The following PTPRM variants were observed in gnomAD, a reference collection of about 807,000 sequenced individuals.
The protein encoded by PTPRM is receptor-type tyrosine-protein phosphatase mu.
In PTPRM, 47 loss-of-function variants were observed where a neutral mutation model predicts 186.7. The observed-to-expected ratio is 0.25, with a 90% CI of 0.20 to 0.32. PTPRM has a LOEUF of 0.32. PTPRM is among the 10% of genes least tolerant of loss of function. PTPRM has a pLI of 1.00. For synonymous variants in PTPRM, 668 were observed against 674.9 expected, an observed-to-expected ratio of 0.99 and a Z score of 0.16; for missense variants, 1,494 against 1,865.0, an observed-to-expected ratio of 0.80 and a Z score of 3.66.
chr18:8,280,321 C>T (rs1872166110), intron 19 of PTPRM, among the ~76,000 whole-genome samples: 1 of 149,306 alleles, frequency 6.7e-6, no homozygotes, highest in Admixed American at 6.9e-5. Context: ...TTAAGTACTT[C>T]TTTGAAGGCC....
chr18:8,168,978 C>T (rs1174679378), intron 14 of PTPRM, among the ~76,000 whole-genome samples: 1 of 152,142 alleles, frequency 6.6e-6, no homozygotes. Flanking sequence ...TAAGTTCTGC[C>T]TAGACTCAAT....
At chr18:7,994,415 G>A (rs2083428051) in intron 7 of PTPRM, among the ~76,000 whole-genome samples, 1 of 152,006 alleles carries the variant, frequency 6.6e-6, no homozygotes, top group Admixed American at 6.6e-5. Flanking sequence ...GCATTAGATA[G>A]ATAACCTAGA....
chr18:8,201,666 C>G (rs866780840), intron 14 of PTPRM, among the ~76,000 whole-genome samples: 29 of 152,150 alleles, frequency 1.9e-4, no homozygotes, highest in African/African-American at 6.8e-4. Flanking sequence ...GGATGACCAC[C>G]TTCTTGCTGT....
chr18:8,306,372 C>T (rs2095221981), intron 20 of PTPRM, among the ~76,000 whole-genome samples: 1 of 152,156 alleles, frequency 6.6e-6, no homozygotes, highest in South Asian at 2.1e-4. Flanking sequence ...AGTTGTAGAG[C>T]CAGCATCAAA....
intron 30 of PTPRM, among the ~76,000 whole-genome samples, chr18:8,386,075 G>A (rs1430237525): frequency 6.6e-6 from 1 of 152,080 alleles, no homozygotes; most frequent in African/African-American, 2.4e-5. Flanking sequence ...CCGTGTAACC[G>A]GATTGTTTGT....
At chr18:8,126,931 G>T (rs947099643) in intron 13 of PTPRM, among the ~76,000 whole-genome samples, 10 of 152,108 alleles carry the variant, frequency 6.6e-5, no homozygotes, top group Admixed American at 6.6e-4. Flanking sequence ...GAGCAGTAAG[G>T]TGATACAGGC....
At chr18:8,124,227 C>T (rs2092268615) in intron 13 of PTPRM, among the ~76,000 whole-genome samples, 1 of 152,142 alleles carries the variant, frequency 6.6e-6, no homozygotes, top group South Asian at 2.1e-4. Context: ...CCTCAAAAAC[C>T]AGTAAAAAAC....
At chr18:7,812,469 A>T (rs1348269919) in intron 2 of PTPRM, among the ~76,000 whole-genome samples, 1 of 152,170 alleles carries the variant, frequency 6.6e-6, no homozygotes, top group African/African-American at 2.4e-5. Context: ...GTGGAAAGTG[A>T]GCCTCTTAGG....
intron 1 of PTPRM, among the ~76,000 whole-genome samples, chr18:7,653,690 A>G (rs1432627973): frequency 1.3e-5 from 2 of 152,130 alleles, no homozygotes; most frequent in Admixed American, 6.5e-5. Context: ...GTGTGTATGT[A>G]CTACATTTTC....
intron 21 of PTPRM, among the ~76,000 whole-genome samples, chr18:8,315,856 T>C (rs1162210682): frequency 6.6e-6 from 1 of 152,202 alleles, no homozygotes; most frequent in Admixed American, 6.5e-5. Flanking sequence ...GGGTAGGGAC[T>C]GGGGTATGAT....
At chr18:8,356,812 T>C (rs1037745987) in intron 23 of PTPRM, among the ~76,000 whole-genome samples, 2 of 152,138 alleles carry the variant, frequency 1.3e-5, no homozygotes, top group Non-Finnish European at 2.9e-5. Flanking sequence ...CCAAGGAGAA[T>C]AGGGTGTTGT....
intron 1 of PTPRM, among the ~76,000 whole-genome samples, chr18:7,773,768 T>G (rs911300747): frequency 6.6e-6 from 1 of 152,008 alleles, no homozygotes; most frequent in African/African-American, 2.4e-5. Context: ...TTTGTAGAGA[T>G]AGGGTTTCAC....
chr18:8,255,906 A>C (rs1467968383), intron 19 of PTPRM, among the ~76,000 whole-genome samples: 1 of 152,162 alleles, frequency 6.6e-6, no homozygotes, highest in Non-Finnish European at 1.5e-5. Flanking sequence ...AGCGTGTGTC[A>C]TGGAATGACA....
intron 24 of PTPRM, among the ~76,000 whole-genome samples, chr18:8,372,966 G>A (rs997410551): frequency 6.6e-6 from 1 of 151,632 alleles, no homozygotes; most frequent in Non-Finnish European, 1.5e-5. Context: ...ACCTCTTATT[G>A]TACTCCCCTG....
At chr18:7,762,692 C>T (rs570529718) in intron 1 of PTPRM, among the ~76,000 whole-genome samples, 4 of 152,026 alleles carry the variant, frequency 2.6e-5, no homozygotes, top group South Asian at 2.1e-4. Context: ...TCAAATCAAA[C>T]GGGAACATGA....
intron 1 of PTPRM, among the ~76,000 whole-genome samples, chr18:7,701,820 T>A (rs911186878): frequency 6.6e-6 from 1 of 152,108 alleles, no homozygotes; most frequent in African/African-American, 2.4e-5. Context: ...CAACCCGTCA[T>A]CTACATTAGG....
chr18:7,711,835 AG>A (rs2040220359), intron 1 of PTPRM, among the ~76,000 whole-genome samples: 2 of 152,304 alleles, frequency 1.3e-5, no homozygotes, highest in South Asian at 4.1e-4. Flanking sequence ...AGACCCAGTC[AG>A]GGTCTTATAG....
intron 14 of PTPRM, among the ~76,000 whole-genome samples, chr18:8,183,879 C>G (rs939493958): frequency 8.5e-5 from 13 of 152,192 alleles, no homozygotes; most frequent in Admixed American, 3.9e-4. Flanking sequence ...CAGGCTGTCT[C>G]CAGCTCAGGA....
chr18:7,926,506 GA>G, intron 4 of PTPRM, 61 bp from the exon 5 acceptor site: 1 of 1,298,898 alleles, frequency 7.7e-7, no homozygotes. Flanking sequence ...ATAGATTGAA[GA>G]AGACATATAT....
Sources: gnomAD v4.1 joint callset for allele counts (sites outside exome capture counted in the v4.1 genomes callset) on GRCh38, gnomAD v4.1.1 for gene constraint, MANE v1.5 for transcripts, NCBI Gene and HGNC (gene_info 2026-07-23, HGNC 2026-07-21) for gene names.